Variants in CKAP5 observed in about 807,000 individuals in gnomAD.
The protein encoded by CKAP5 is cytoskeleton-associated protein 5.
A neutral mutation model predicts 232.8 loss-of-function variants in CKAP5; 27 were observed. That is an observed-to-expected ratio of 0.12 (90% CI 0.09 to 0.16). The LOEUF (loss-of-function observed/expected upper bound fraction) is 0.16. Among genes scored for constraint, CKAP5 ranks in the 10% least tolerant of loss-of-function variants. The pLI is 1.00. For synonymous variants in CKAP5, 785 were observed against 841.1 expected (o/e 0.93, Z 1.16); for missense variants, 1,838 against 2,424.7 (o/e 0.76, Z 5.08).
intron 1 of CKAP5, among the ~76,000 whole-genome samples, chr11:46,834,764 C>A (rs1258415304): frequency 6.6e-6 from 1 of 152,072 alleles, no homozygotes; most frequent in Non-Finnish European, 1.5e-5. Flanking sequence ...AATTTGTAGG[C>A]AGCCCTCTAA....
chr11:46,817,605 C>T (rs1273574171), intron 3 of CKAP5, among the ~76,000 whole-genome samples: 1 of 152,098 alleles, frequency 6.6e-6, no homozygotes, highest in Non-Finnish European at 1.5e-5. Flanking sequence ...TAATGATGAT[C>T]TTTATTGGTA....
chr11:46,758,729 A>T (rs1008444769), intron 35 of CKAP5, 194 bp downstream of exon 35: 148 of 524,442 alleles, frequency 2.8e-4, no homozygotes, highest in African/African-American at 2.3e-3. Flanking sequence ...AAAAAAAAAA[A>T]AATAAGGCTC....
At chr11:46,844,733 C>G (rs1341949705) in intron 1 of CKAP5, among the ~76,000 whole-genome samples, 1 of 152,098 alleles carries the variant, frequency 6.6e-6, no homozygotes, top group Non-Finnish European at 1.5e-5. Flanking sequence ...CCTCTGTCTC[C>G]CGGGTTCAAA....
chr11:46,837,968 G>A (rs985626953), intron 1 of CKAP5, among the ~76,000 whole-genome samples: 2 of 152,046 alleles, frequency 1.3e-5, no homozygotes, highest in Admixed American at 6.5e-5. Context: ...TATAGAAAAG[G>A]AGGGGAAAAA....
chr11:46,841,043 C>A (rs1267043550), intron 1 of CKAP5, among the ~76,000 whole-genome samples: 1 of 151,600 alleles, frequency 6.6e-6, no homozygotes. Context: ...CTGAGGCGGG[C>A]GGATCACTTG....
At position 46,762,852 on chromosome 11, in the gene CKAP5, A is replaced by G. The variant is rs534195155; in HGVS notation, c.3892-90T>C. 8 of 1,475,556 alleles carry G rather than the reference A, an allele frequency of 5.4e-6. No homozygotes were observed. The African/African-American group carries it at 9.8e-5, about 18-fold the overall frequency. 91.4% of individuals were successfully genotyped at this position (1,475,556 alleles called of 1,614,324 possible). A position where few individuals can be genotyped will look rare whatever the true frequency, so the allele number is the denominator to read the frequency against. ...ATTACTATGTTTTGAAAGAATAGGG[A>G]AATAGGGATAAGTAGGGAAGGTACC... On this transcript the variant is annotated intron_variant, in intron 30 of 43. Transcript: ENST00000529230.
chr11:46,755,505 C>A (rs1476326403), intron 35 of CKAP5, among the ~76,000 whole-genome samples: 1 of 151,892 alleles, frequency 6.6e-6, no homozygotes, highest in African/African-American at 2.4e-5. Context: ...CCGCACCTGG[C>A]CCCATTTAAA....
chr11:46,765,391 C>T (rs757533483), intron 27 of CKAP5, 135 bp from the exon 28 acceptor site: 83 of 768,064 alleles, frequency 1.1e-4, no homozygotes, highest in Non-Finnish European at 1.5e-4. Flanking sequence ...AAAAAACATG[C>T]ATCACAGAAT....
chr11:46,778,129 CT>C lies in CKAP5; in HGVS notation c.2748+9del. ...GGGAGATAAAAAGAACAGCCGTATG[CT>C]CTACATACCAAGATTTTATTTGAAT... On this transcript the variant is annotated intron_variant, in intron 22 of 43. Coordinates refer to ENST00000529230, the MANE Select transcript of CKAP5 (RefSeq NM_001008938.4). The C allele has an allele frequency of 1.9e-6, 3 of 1,610,762 alleles. No homozygotes were observed. Among genetic ancestry groups the C allele is most frequent in the Non-Finnish European group, 2.5e-6 (3 of 1,177,800 alleles).
At chr11:46,777,673 G>T (rs1006818473) in intron 22 of CKAP5, 121 bp from the exon 23 acceptor site, 5 of 627,514 alleles carry the variant, frequency 8.0e-6, no homozygotes, top group Non-Finnish European at 1.4e-5. Context: ...AAGAGACAGA[G>T]ACACTGGCTT....
chr11:46,801,237 A>C lies in CKAP5; in HGVS notation c.1046T>G (p.Val349Gly), dbSNP rs766971977. The change falls in exon 9 of 44, where the codon GTT (valine) becomes GGT (glycine). Residue 349 changes from valine to glycine, a missense_variant. Around this residue, in one of 6 missense-constraint regions of CKAP5, gnomAD observed 97 missense variants for 167.7 expected, o/e 0.58. Transcript: ENST00000529230. ...LAAKCLTGLA[V>G]GLRKKFGQYA... ...TTGTCCAAATTTCTTCCTTAGCCCA[A>C]CAGCCAGGCCAGTAAGACATTTTGC... The C allele has an allele frequency of 1.2e-6, 2 of 1,613,804 alleles. No homozygotes were observed. The highest frequency in any genetic ancestry group is 2.2e-5 in the South Asian group (2 of 91,084).
chr11:46,770,187 T>C (rs1418359685), intron 25 of CKAP5, 89 bp from the exon 26 acceptor site: 1 of 1,361,896 alleles, frequency 7.3e-7, no homozygotes, highest in Non-Finnish European at 1.0e-6. Flanking sequence ...GTCAAACAAA[T>C]GATTGAGCTC....
At chr11:46,837,025 T>A (rs182570107) in intron 1 of CKAP5, among the ~76,000 whole-genome samples, 1 of 152,330 alleles carries the variant, frequency 6.6e-6, no homozygotes, top group African/African-American at 2.4e-5. Flanking sequence ...AAAAAGGTTC[T>A]GACCTAAGTA....
intron 18 of CKAP5, 58 bp downstream of exon 18, chr11:46,783,216 C>T (rs1007179095): frequency 1.7e-5 from 17 of 987,280 alleles, no homozygotes; most frequent in East Asian, 7.2e-5. Flanking sequence ...ATAAACAGCA[C>T]GACTTAGAGA....
intron 42 of CKAP5, among the ~76,000 whole-genome samples, chr11:46,747,011 C>G (rs895528607): frequency 6.6e-6 from 1 of 152,016 alleles, no homozygotes; most frequent in Non-Finnish European, 1.5e-5. Flanking sequence ...TGTGGTGGCA[C>G]GCAACTGTCC....
chr11:46,752,191 TATACAC>T (rs2065071556), intron 38 of CKAP5, among the ~76,000 whole-genome samples: 1 of 73,166 alleles, frequency 1.4e-5, no homozygotes, highest in Non-Finnish European at 2.7e-5. Flanking sequence ...TATATATATA[TATACAC>T]ACACACACAC....
intron 8 of CKAP5, among the ~76,000 whole-genome samples, chr11:46,805,463 T>G (rs746084198): frequency 6.6e-6 from 1 of 152,108 alleles, no homozygotes; most frequent in Non-Finnish European, 1.5e-5. Context: ...AAAGAAGAGA[T>G]AATTATAAGG....
At chr11:46,766,451 G>A (rs1266655537) in intron 27 of CKAP5, among the ~76,000 whole-genome samples, 1 of 152,166 alleles carries the variant, frequency 6.6e-6, no homozygotes, top group East Asian at 1.9e-4. Context: ...TCACTGAGGA[G>A]TTAAAGGGCC....
intron 13 of CKAP5, among the ~76,000 whole-genome samples, chr11:46,793,743 C>T (rs774055111): frequency 9.9e-5 from 15 of 152,072 alleles, no homozygotes; most frequent in Non-Finnish European, 1.8e-4. Context: ...GCCAACACGG[C>T]AAAACCCCAT....
Sources: allele counts gnomAD v4.1 joint callset (sites outside exome capture counted in the v4.1 genomes callset), GRCh38; gene constraint gnomAD v4.1.1; regional missense constraint gnomAD v4.1.1; transcripts MANE v1.5; gene names NCBI Gene and HGNC (gene_info 2026-07-23, HGNC 2026-07-21).